The following FHIT variants were observed in gnomAD, a reference collection of about 807,000 sequenced individuals.
FHIT encodes the protein fragile histidine triad diadenosine triphosphatase.
In FHIT, 19 loss-of-function variants were observed where a neutral mutation model predicts 17.9. The ratio of observed to expected loss-of-function variants is 1.06; its 90% CI spans 0.74 to 1.56. The LOEUF (loss-of-function observed/expected upper bound fraction) is 1.56. FHIT is among the 40% of genes most tolerant of loss of function. The probability of loss-of-function intolerance (pLI) is 0.00; values close to 1 mark genes in which losing one functional copy is unlikely to be tolerated. For synonymous variants in FHIT, 81 were observed against 69.7 expected, an observed-to-expected ratio of 1.16 and a Z score of -0.81; for missense variants, 248 against 189.2, an observed-to-expected ratio of 1.31 and a Z score of -1.82.
At chr3:60,920,772 A>G (rs1023692521) in intron 3 of FHIT, among the ~76,000 whole-genome samples, 23 of 152,166 alleles carry the variant, frequency 1.5e-4, no homozygotes, top group African/African-American at 5.6e-4. Flanking sequence ...CCCAAGGGTA[A>G]TGAGAAGCCT....
chr3:59,984,503 A>T (rs1379036326), intron 7 of FHIT, among the ~76,000 whole-genome samples: 1 of 152,058 alleles, frequency 6.6e-6, no homozygotes, highest in Admixed American at 6.6e-5. Flanking sequence ...TATTGGCTAA[A>T]CATTGTTCCT....
In FHIT at chr3:60,787,215, T is replaced by C. The variant is rs186724045; in HGVS notation, c.-18+34704A>G. On this transcript the variant is annotated intron_variant, in intron 4 of 9. Coordinates refer to ENST00000492590, the MANE Select transcript of FHIT (RefSeq NM_002012.4). ...ATTAGAAAAAATATATTTATATACA[T>C]GCTACCAACTTTACCTAGAAGAGAA... 2.5e-3 allele frequency among the ~76,000 whole-genome samples: 388 copies of C among 152,332 alleles called. 3 individuals carry two copies. Among genetic ancestry groups the C allele is most frequent in the Admixed American group, 5.4e-3 (83 of 15,298 alleles).
chr3:59,974,238 A>G (rs1347709573), intron 7 of FHIT, among the ~76,000 whole-genome samples: 1 of 152,184 alleles, frequency 6.6e-6, no homozygotes, highest in African/African-American at 2.4e-5. Context: ...AGTGCCCAAG[A>G]GAAGGAAGAA....
At chr3:61,157,227 C>A (rs139370494) in intron 2 of FHIT, among the ~76,000 whole-genome samples, 1 of 151,862 alleles carries the variant, frequency 6.6e-6, no homozygotes. Flanking sequence ...TTAATGTGTG[C>A]GCAGAAATGG....
At chr3:60,016,840 C>T (rs1364927388) in intron 5 of FHIT, among the ~76,000 whole-genome samples, 1 of 152,068 alleles carries the variant, frequency 6.6e-6, no homozygotes, top group African/African-American at 2.4e-5. Flanking sequence ...AGTTGTTAAG[C>T]GTTCCTCCTT....
At chr3:60,771,934 T>C (rs1335309623) in intron 4 of FHIT, among the ~76,000 whole-genome samples, 2 of 152,198 alleles carry the variant, frequency 1.3e-5, no homozygotes, top group Non-Finnish European at 2.9e-5. Context: ...CAGACACAAT[T>C]TTGGCTCTCT....
intron 5 of FHIT, among the ~76,000 whole-genome samples, chr3:60,518,118 A>G (rs1176337228): frequency 6.6e-6 from 1 of 152,222 alleles, no homozygotes; most frequent in Non-Finnish European, 1.5e-5. Flanking sequence ...GATTTTGCAT[A>G]AAAGAACAGG....
intron 8 of FHIT, among the ~76,000 whole-genome samples, chr3:59,872,072 G>A (rs1230076199): frequency 1.3e-5 from 2 of 152,212 alleles, no homozygotes; most frequent in Middle Eastern, 3.4e-3. Flanking sequence ...GGGCTGAGTG[G>A]GAGTAGTCAC....
chr3:59,845,949 CCTTTTA>C (rs1280382626), intron 8 of FHIT, among the ~76,000 whole-genome samples: 1 of 152,070 alleles, frequency 6.6e-6, no homozygotes, highest in African/African-American at 2.4e-5. Context: ...CCTTTTCTGT[CCTTTTA>C]CTTTTAACCT....
intron 5 of FHIT, among the ~76,000 whole-genome samples, chr3:60,037,158 GATT>G (rs1701251921): frequency 6.6e-6 from 1 of 152,146 alleles, no homozygotes; most frequent in Admixed American, 6.5e-5. Flanking sequence ...GAATTTATCT[GATT>G]ATTATTTTGC....
chr3:60,006,698 G>T (rs1699938765), intron 7 of FHIT, among the ~76,000 whole-genome samples: 1 of 151,860 alleles, frequency 6.6e-6, no homozygotes, highest in Non-Finnish European at 1.5e-5. Context: ...AGGCTAAAAG[G>T]CTGATCCAAA....
At chr3:61,209,010 T>C (rs1271795443) in intron 1 of FHIT, among the ~76,000 whole-genome samples, 1 of 152,018 alleles carries the variant, frequency 6.6e-6, no homozygotes, top group Non-Finnish European at 1.5e-5. Context: ...AGGGCTGGCC[T>C]GGTGGTGAGA....
intron 8 of FHIT, among the ~76,000 whole-genome samples, chr3:59,779,417 T>C (rs1230554454): frequency 6.6e-6 from 1 of 152,188 alleles, no homozygotes; most frequent in Non-Finnish European, 1.5e-5. Flanking sequence ...GGTGGTTGTC[T>C]GCCTGGTTTC....
intron 3 of FHIT, among the ~76,000 whole-genome samples, chr3:60,842,647 T>TATATATATATATA (rs1406123749): frequency 4.4e-3 from 402 of 92,220 alleles, no homozygotes; most frequent in African/African-American, 0.018. Context: ...ATATATATAT[T>TATATATATATATA]TTTTTTTTTT....
intron 5 of FHIT, among the ~76,000 whole-genome samples, chr3:60,299,016 T>C (rs1708334966): frequency 6.6e-6 from 1 of 152,136 alleles, no homozygotes; most frequent in Non-Finnish European, 1.5e-5. Context: ...CTGTGGCATG[T>C]GCACTGGTCT....
At chr3:60,965,161 C>T (rs1304807555) in intron 3 of FHIT, among the ~76,000 whole-genome samples, 2 of 151,792 alleles carry the variant, frequency 1.3e-5, no homozygotes, top group Non-Finnish European at 2.9e-5. Flanking sequence ...AACGTCTCTT[C>T]CGGCTTCATT....
At chr3:59,889,561 C>G (rs1202401876) in intron 8 of FHIT, among the ~76,000 whole-genome samples, 1 of 152,196 alleles carries the variant, frequency 6.6e-6, no homozygotes, top group Non-Finnish European at 1.5e-5. Flanking sequence ...GAAAAACTTA[C>G]CCTCCTTATA....
At chr3:60,825,068 T>G (rs67739638) in intron 3 of FHIT, among the ~76,000 whole-genome samples, 1 of 152,234 alleles carries the variant, frequency 6.6e-6, no homozygotes, top group African/African-American at 2.4e-5. Flanking sequence ...GTCCAAGATA[T>G]GAGAAAAAAT....
At chr3:60,966,382 C>T (rs575213209) in intron 3 of FHIT, among the ~76,000 whole-genome samples, 1 of 152,370 alleles carries the variant, frequency 6.6e-6, no homozygotes, top group African/African-American at 2.4e-5. Context: ...ACCCCTTGCA[C>T]TTCCCAGGTG....
Sources: gnomAD v4.1 joint callset for allele counts (sites outside exome capture counted in the v4.1 genomes callset) on GRCh38, gnomAD v4.1.1 for gene constraint, MANE v1.5 for transcripts, NCBI Gene and HGNC (gene_info 2026-07-23, HGNC 2026-07-21) for gene names.